The following ADAM22 variants were observed in gnomAD, a reference collection of about 807,000 sequenced individuals.
ADAM22 encodes disintegrin and metalloproteinase domain-containing protein 22.
A neutral mutation model predicts 144.6 loss-of-function variants in ADAM22; 65 were observed. That is an observed-to-expected ratio of 0.45 (90% confidence interval 0.37 to 0.55). The LOEUF (loss-of-function observed/expected upper bound fraction) is 0.55. Ranked by LOEUF, ADAM22 falls within the 20% of genes least tolerant of loss-of-function variation. The pLI, the probability that ADAM22 is intolerant of heterozygous loss-of-function variation, is 0.00. For synonymous variants in ADAM22, 391 were observed against 412.6 expected (o/e 0.95, Z 0.63); for missense variants, 974 against 1,184.9 (o/e 0.82, Z 2.61).
intron 9 of ADAM22, among the ~76,000 whole-genome samples, chr7:88,129,805 C>T (rs1462962242): frequency 6.6e-6 from 1 of 152,038 alleles, no homozygotes; most frequent in African/African-American, 2.4e-5. Context: ...GGTGAGAATG[C>T]TAATTTTAAC....
chr7:88,008,321 C>T (rs1349923837), intron 3 of ADAM22, among the ~76,000 whole-genome samples: 2 of 150,414 alleles, frequency 1.3e-5, no homozygotes, highest in Non-Finnish European at 3.0e-5. Context: ...ACTAGTTCAA[C>T]CATTGTGGAA....
intron 2 of ADAM22, among the ~76,000 whole-genome samples, chr7:87,949,129 C>A (rs1844415863): frequency 6.6e-6 from 1 of 152,136 alleles, no homozygotes; most frequent in Non-Finnish European, 1.5e-5. Flanking sequence ...TAAATTCTTT[C>A]CTCCTCTTCC....
chr7:88,201,097 A>T lies in ADAM22; in HGVS notation c.*4606A>T, dbSNP rs1851173666. The T allele has an allele frequency of 6.6e-6, 1 of 152,368 alleles. No homozygotes were observed. Among genetic ancestry groups the T allele is most frequent in the South Asian group, 2.1e-4 (1 of 4,832 alleles). The allele number at this position is 152,368 out of a possible 1,614,324, so 9.4% of individuals were successfully genotyped here. On this transcript the variant is annotated 3_prime_UTR_variant, in exon 32 of 32. Transcript: ENST00000413139. ...GGATGCAGAACAAAGATGCAGCAGG[A>T]CTTTAGAAAACAGGAGTGTTTCTAC...
chr7:88,193,034 GTTT>G, intron 30 of ADAM22, 79 bp from the exon 31 acceptor site: 1 of 1,553,578 alleles, frequency 6.4e-7, no homozygotes, highest in Non-Finnish European at 8.8e-7. Flanking sequence ...AAGTCAGAGG[GTTT>G]GTTCTGAACA....
At chr7:88,186,413 C>T (rs1848321785) in intron 29 of ADAM22, 2 of 573,766 alleles carry the variant, frequency 3.5e-6, no homozygotes, top group Non-Finnish European at 6.2e-6. Flanking sequence ...TTGTAGAATG[C>T]CTTGATTGAG....
chr7:88,165,642 G>A (rs1842777257), intron 23 of ADAM22, among the ~76,000 whole-genome samples, 190 bp from the exon 24 acceptor site: 1 of 151,828 alleles, frequency 6.6e-6, no homozygotes, highest in Admixed American at 6.6e-5. Context: ...TGGGTCAGTT[G>A]TTGGTCTCTA....
chr7:88,088,510 G>GAAAAAAAAA (rs11404353), intron 4 of ADAM22, among the ~76,000 whole-genome samples: 1 of 146,288 alleles, frequency 6.8e-6, no homozygotes, highest in Non-Finnish European at 1.5e-5. Context: ...TCAATGACAG[G>GAAAAAAAAA]AAAAAAAAAA....
At chr7:88,039,611 ATGTG>A (rs3085480) in intron 3 of ADAM22, among the ~76,000 whole-genome samples, 3 of 146,416 alleles carry the variant, frequency 2.0e-5, no homozygotes, top group Admixed American at 6.9e-5. Context: ...TCATGTTTGC[ATGTG>A]TGTGTGTGTG....
chr7:88,117,693 ATTT>A (rs11290840), intron 7 of ADAM22, among the ~76,000 whole-genome samples: 12 of 134,916 alleles, frequency 8.9e-5, no homozygotes, highest in Middle Eastern at 3.8e-3. Flanking sequence ...CCTTATTTTA[ATTT>A]TTTTTTTTTT....
chr7:88,084,151 C>T (rs919993047), intron 4 of ADAM22, among the ~76,000 whole-genome samples: 1 of 152,184 alleles, frequency 6.6e-6, no homozygotes, highest in African/African-American at 2.4e-5. Flanking sequence ...AGACAGCTCT[C>T]TGCTGTCTCT....
Position 87,978,350 on chromosome 7 carries a change from C to T in ADAM22, c.261C>T (p.Asp87=), listed in dbSNP as rs1265687913. 3 of 1,612,986 alleles carry T rather than the reference C, an allele frequency of 1.9e-6. No individual in the cohort carries two copies. The highest frequency in any genetic ancestry group is 2.5e-6 in the Non-Finnish European group (3 of 1,179,516). ...TGATATTGTAGTTGACTCATGTTGA[C>T]CAAGCAAGCTTCCAGGTTGATGCCT... The part of the protein sequence containing the change: ...DLGGPQLTHV[D]QASFQVDAFG... The change falls in exon 3 of 32, where the codon GAC becomes GAT. Residue 87 remains aspartate, a synonymous_variant. Transcript: ENST00000413139.
chr7:88,107,692 C>T (rs1307190054), intron 4 of ADAM22, among the ~76,000 whole-genome samples: 1 of 151,974 alleles, frequency 6.6e-6, no homozygotes, highest in East Asian at 1.9e-4. Flanking sequence ...TTCAAATGAT[C>T]CTCCTGCCTT....
intron 2 of ADAM22, among the ~76,000 whole-genome samples, chr7:87,940,270 C>G (rs1006064448): frequency 1.3e-5 from 2 of 150,252 alleles, no homozygotes; most frequent in Non-Finnish European, 3.0e-5. Flanking sequence ...TTGTATGCAT[C>G]AAAACATCAC....
chr7:88,187,826 A>G (rs979734165), intron 30 of ADAM22, among the ~76,000 whole-genome samples: 2 of 152,090 alleles, frequency 1.3e-5, no homozygotes, highest in African/African-American at 4.8e-5. Context: ...GATTAGACCT[A>G]CCTGCCTTTT....
At chr7:88,067,353 G>A (rs960162884) in intron 3 of ADAM22, among the ~76,000 whole-genome samples, 1 of 150,762 alleles carries the variant, frequency 6.6e-6, no homozygotes, top group Non-Finnish European at 1.5e-5. Context: ...CCATTAACTC[G>A]TCATTCAGCA....
chr7:88,168,310 T>C (rs1190412169), intron 25 of ADAM22, 83 bp downstream of exon 25: 2 of 1,356,870 alleles, frequency 1.5e-6, no homozygotes, highest in Non-Finnish European at 2.1e-6. Context: ...GAAAGTTTTG[T>C]ATCATTGGTT....
In ADAM22 at chr7:87,935,182, C is replaced by G. The variant is rs2279542; in HGVS notation, c.242C>G (p.Pro81Arg). The G allele has an allele frequency of 0.53, 843,682 of 1,600,082 alleles. 230,061 individuals are homozygous for G. The highest frequency in any genetic ancestry group is 0.92 in the African/African-American group (68,717 of 74,788). ...DTRVRGDLGG[P>R]QLTHVDQASF... is the part of the protein sequence containing the mutation. Reference sequence around the variant, plus strand: ...CGGGTGCGGGGCGACCTCGGTGGCCCGCAGGTGAGAGGCTCGGTCCGGGAG... The same window carrying G: ...CGGGTGCGGGGCGACCTCGGTGGCCGGCAGGTGAGAGGCTCGGTCCGGGAG... Residue 81 changes from proline to arginine, a missense_variant, in exon 2 of 32, where the codon CCG becomes CGG. Pro to Arg is a moderately radical substitution (Grantham distance 103, BLOSUM62 -2). Around this residue, in one of 2 missense-constraint regions of ADAM22, gnomAD observed 240 missense variants for 234.3 expected, o/e 1.02. Transcript: ENST00000413139.
At chr7:88,175,459 G>A (rs914366864) in intron 26 of ADAM22, among the ~76,000 whole-genome samples, 12 of 152,088 alleles carry the variant, frequency 7.9e-5, no homozygotes, top group African/African-American at 2.7e-4. Flanking sequence ...AACACAAAAT[G>A]AAATGCCAAA....
chr7:88,074,682 A>C (rs952634111), intron 3 of ADAM22, among the ~76,000 whole-genome samples: 1 of 152,226 alleles, frequency 6.6e-6, no homozygotes, highest in African/African-American at 2.4e-5. Context: ...AAGTTTTCTA[A>C]ATAGTAATAT....
Sources: allele counts gnomAD v4.1 joint callset (sites outside exome capture counted in the v4.1 genomes callset), GRCh38; gene constraint gnomAD v4.1.1; regional missense constraint gnomAD v4.1.1; transcripts MANE v1.5; gene names NCBI Gene and HGNC (gene_info 2026-07-23, HGNC 2026-07-21).